KCTD8: variants seen among roughly 807,000 people sequenced by gnomAD.
KCTD8 encodes the protein potassium channel tetramerization domain containing 8.
In KCTD8, 27 loss-of-function variants were observed where a neutral mutation model predicts 31.5. The observed-to-expected ratio is 0.86, with a 90% CI of 0.63 to 1.18. KCTD8 has a LOEUF of 1.18. Among genes scored for constraint, KCTD8 ranks in the 50% most tolerant of loss-of-function variants. The probability of loss-of-function intolerance (pLI) is 0.00; values close to 1 mark genes in which losing one functional copy is unlikely to be tolerated. For missense variants in KCTD8, 658 were observed against 647.7 expected, an observed-to-expected ratio of 1.02 and a Z score of -0.17; for synonymous variants, 290 against 280.0, an observed-to-expected ratio of 1.04 and a Z score of -0.36.
At chr4:44,285,836 C>A (rs1717049515) in intron 1 of KCTD8, among the ~76,000 whole-genome samples, 1 of 151,944 alleles carries the variant, frequency 6.6e-6, no homozygotes, top group African/African-American at 2.4e-5. Flanking sequence ...CTGATGGATT[C>A]CTCTGATGGT....
At chr4:44,345,006 A>G (rs1280558556) in intron 1 of KCTD8, among the ~76,000 whole-genome samples, 4 of 152,112 alleles carry the variant, frequency 2.6e-5, no homozygotes, top group Non-Finnish European at 1.5e-5. Context: ...ATCAAGTCCC[A>G]AGAGATCACT....
At chr4:44,344,353 G>A (rs908798734) in intron 1 of KCTD8, among the ~76,000 whole-genome samples, 3 of 151,892 alleles carry the variant, frequency 2.0e-5, no homozygotes, top group African/African-American at 7.3e-5. Flanking sequence ...CTGGGCTAAT[G>A]TTTTCATTTT....
chr4:44,337,973 T>C (rs1310410456), intron 1 of KCTD8, among the ~76,000 whole-genome samples: 2 of 151,970 alleles, frequency 1.3e-5, no homozygotes, highest in African/African-American at 4.8e-5. Flanking sequence ...CAGAATACTA[T>C]GCAGCAAATA....
At chr4:44,181,826 C>T (rs1167094250) in intron 1 of KCTD8, among the ~76,000 whole-genome samples, 3 of 151,976 alleles carry the variant, frequency 2.0e-5, no homozygotes, top group East Asian at 3.9e-4. Context: ...GGCTGCCCAT[C>T]GTCTGAGATG....
intron 1 of KCTD8, among the ~76,000 whole-genome samples, chr4:44,281,534 G>A (rs939336871): frequency 6.6e-6 from 1 of 152,112 alleles, no homozygotes; most frequent in African/African-American, 2.4e-5. Context: ...TGACTGATAA[G>A]AATTTTCTGT....
At chr4:44,258,450 G>T (rs1386780855) in intron 1 of KCTD8, among the ~76,000 whole-genome samples, 1 of 151,868 alleles carries the variant, frequency 6.6e-6, no homozygotes, top group African/African-American at 2.4e-5. Flanking sequence ...TCATGTATCT[G>T]GGGAGAAGGG....
intron 1 of KCTD8, among the ~76,000 whole-genome samples, chr4:44,257,552 T>A (rs1716024531): frequency 6.6e-6 from 1 of 151,944 alleles, no homozygotes; most frequent in Non-Finnish European, 1.5e-5. Context: ...ACAATGACAA[T>A]GTTTTTCTTT....
chr4:44,251,326 A>C (rs1715824505), intron 1 of KCTD8, among the ~76,000 whole-genome samples: 1 of 151,626 alleles, frequency 6.6e-6, no homozygotes, highest in Admixed American at 6.6e-5. Context: ...TTCTCATGTA[A>C]CTTTCAGGAT....
intron 1 of KCTD8, among the ~76,000 whole-genome samples, chr4:44,326,543 T>C (rs1461808140): frequency 6.6e-6 from 1 of 151,896 alleles, no homozygotes; most frequent in African/African-American, 2.4e-5. Flanking sequence ...ATCCACTGCA[T>C]ATGCCTAAAC....
At chr4:44,323,079 T>C (rs953443445) in intron 1 of KCTD8, among the ~76,000 whole-genome samples, 8 of 152,096 alleles carry the variant, frequency 5.3e-5, no homozygotes, top group African/African-American at 1.9e-4. Flanking sequence ...GGTCTTTTGT[T>C]GTTGCATACA....
At chr4:44,243,309 G>A (rs138811887) in intron 1 of KCTD8, among the ~76,000 whole-genome samples, 2 of 152,178 alleles carry the variant, frequency 1.3e-5, no homozygotes, top group African/African-American at 2.4e-5. Context: ...AGGTTATCCT[G>A]TTGCTACTTC....
At chr4:44,378,457 G>T (rs1004749950) in intron 1 of KCTD8, among the ~76,000 whole-genome samples, 1 of 151,356 alleles carries the variant, frequency 6.6e-6, no homozygotes, top group Non-Finnish European at 1.5e-5. Context: ...CTTAAAGTAT[G>T]ATAAAAATAA....
intron 1 of KCTD8, among the ~76,000 whole-genome samples, chr4:44,242,603 C>CA (rs1384508348): frequency 1.3e-5 from 2 of 148,544 alleles, no homozygotes; most frequent in African/African-American, 5.1e-5. Flanking sequence ...AACAAACAAA[C>CA]AAAACAAAAA....
chr4:44,276,240 A>G (rs768812297), intron 1 of KCTD8, among the ~76,000 whole-genome samples: 2 of 151,998 alleles, frequency 1.3e-5, no homozygotes, highest in Non-Finnish European at 2.9e-5. Context: ...CTCCCTGAAA[A>G]CACTTTTCAT....
intron 1 of KCTD8, among the ~76,000 whole-genome samples, chr4:44,413,679 G>A (rs147172328): frequency 6.6e-6 from 1 of 152,212 alleles, no homozygotes; most frequent in East Asian, 1.9e-4. Context: ...TCCAAAGAAA[G>A]AATACCTAGA....
chr4:44,190,462 A>G (rs571596730), intron 1 of KCTD8, among the ~76,000 whole-genome samples: 15 of 152,288 alleles, frequency 9.8e-5, no homozygotes, highest in Non-Finnish European at 1.8e-4. Flanking sequence ...TGTGTCTGAG[A>G]ATATAGGTGG....
At chr4:44,310,251 G>T (rs1455667898) in intron 1 of KCTD8, among the ~76,000 whole-genome samples, 1 of 152,036 alleles carries the variant, frequency 6.6e-6, no homozygotes, top group Non-Finnish European at 1.5e-5. Flanking sequence ...AATGCTGCTT[G>T]TACAATGGGG....
At chr4:44,399,262 G>A (rs956451634) in intron 1 of KCTD8, among the ~76,000 whole-genome samples, 1 of 152,108 alleles carries the variant, frequency 6.6e-6, no homozygotes, top group Non-Finnish European at 1.5e-5. Context: ...CTGACTGTGG[G>A]GGAGTGAAAA....
At chr4:44,254,140 G>A (rs1715925632) in intron 1 of KCTD8, among the ~76,000 whole-genome samples, 2 of 151,848 alleles carry the variant, frequency 1.3e-5, no homozygotes, top group Non-Finnish European at 2.9e-5. Context: ...ACACTAACTG[G>A]TTTCTTTTAG....
Sources: gnomAD v4.1 joint callset for allele counts (sites outside exome capture counted in the v4.1 genomes callset) on GRCh38, gnomAD v4.1.1 for gene constraint, MANE v1.5 for transcripts, NCBI Gene and HGNC (gene_info 2026-07-23, HGNC 2026-07-21) for gene names.